Variants in LRFN5 observed in about 807,000 individuals in gnomAD.
LRFN5 encodes leucine rich repeat and fibronectin type III domain containing 5.
In LRFN5, 24 loss-of-function variants were observed where a neutral mutation model predicts 45.6. The ratio of observed to expected loss-of-function variants is 0.53; its 90% CI spans 0.38 to 0.74. The LOEUF is 0.74. Among genes scored for constraint, LRFN5 ranks in the 30% least tolerant of loss-of-function variants. LRFN5 has a pLI of 0.00. For missense variants in LRFN5, 776 were observed against 861.5 expected, an observed-to-expected ratio of 0.90 and a Z score of 1.24; for synonymous variants, 340 against 313.8, an observed-to-expected ratio of 1.08 and a Z score of -0.88.
At chr14:41,885,663 T>C (rs895338070) in intron 2 of LRFN5, among the ~76,000 whole-genome samples, 1 of 152,116 alleles carries the variant, frequency 6.6e-6, no homozygotes, top group Non-Finnish European at 1.5e-5. Context: ...CTCGGAGCTA[T>C]TGTGATAAAC....
chr14:41,867,266 T>A (rs1889872016), intron 2 of LRFN5, among the ~76,000 whole-genome samples: 1 of 152,126 alleles, frequency 6.6e-6, no homozygotes, highest in African/African-American at 2.4e-5. Flanking sequence ...CTTAGACTCT[T>A]GGAACCTATA....
At chr14:41,786,446 A>G (rs1054393757) in intron 2 of LRFN5, among the ~76,000 whole-genome samples, 6 of 150,652 alleles carry the variant, frequency 4.0e-5, no homozygotes, top group African/African-American at 7.3e-5. Context: ...TCTTTCTTAC[A>G]TATTTTCTGA....
At chr14:41,702,333 C>T (rs1326937452) in intron 1 of LRFN5, among the ~76,000 whole-genome samples, 1 of 152,130 alleles carries the variant, frequency 6.6e-6, no homozygotes, top group East Asian at 1.9e-4. Flanking sequence ...AAATACAGTT[C>T]ACACTTCTAA....
At chr14:41,693,426 T>C (rs1882468662) in intron 1 of LRFN5, among the ~76,000 whole-genome samples, 1 of 152,122 alleles carries the variant, frequency 6.6e-6, no homozygotes, top group Non-Finnish European at 1.5e-5. Context: ...TCAACGTGTT[T>C]TGTAAACTCC....
chr14:41,890,585 T>C, intron 3 of LRFN5, among the ~76,000 whole-genome samples: 1 of 151,644 alleles, frequency 6.6e-6, no homozygotes, highest in Non-Finnish European at 1.5e-5. Flanking sequence ...CGGGCGCCTG[T>C]AGTCCCAGCT....
intron 2 of LRFN5, among the ~76,000 whole-genome samples, chr14:41,862,861 CTTTTTTT>C (rs536861522): frequency 8.2e-5 from 9 of 110,230 alleles, no homozygotes; most frequent in East Asian, 5.5e-4. Flanking sequence ...TTAAGTCTCT[CTTTTTTT>C]TTTTTTTTTT....
At chr14:41,883,166 A>G (rs2139143046) in intron 2 of LRFN5, among the ~76,000 whole-genome samples, 1 of 131,270 alleles carries the variant, frequency 7.6e-6, no homozygotes, top group African/African-American at 2.8e-5. Flanking sequence ...CCCCCCTTTT[A>G]TCAAGGACTG....
intron 2 of LRFN5, among the ~76,000 whole-genome samples, chr14:41,831,134 G>A (rs1888463394): frequency 6.6e-6 from 1 of 152,234 alleles, no homozygotes; most frequent in South Asian, 2.1e-4. Context: ...CCATGTAGCT[G>A]TACCTTATAC....
intron 1 of LRFN5, among the ~76,000 whole-genome samples, chr14:41,640,437 A>G (rs1177592581): frequency 6.6e-6 from 1 of 152,100 alleles, no homozygotes; most frequent in Non-Finnish European, 1.5e-5. Context: ...CTAATTTTGA[A>G]TAAGCAAACT....
At chr14:41,798,883 C>A (rs1051658931) in intron 2 of LRFN5, among the ~76,000 whole-genome samples, 7 of 151,904 alleles carry the variant, frequency 4.6e-5, no homozygotes, top group Admixed American at 2.0e-4. Context: ...TGTCTCTGAT[C>A]ATTTATTATA....
chr14:41,717,701 A>G (rs1358405874), intron 1 of LRFN5, among the ~76,000 whole-genome samples: 1 of 152,190 alleles, frequency 6.6e-6, no homozygotes, highest in East Asian at 1.9e-4. Context: ...TTGAGTGTCT[A>G]CACTGTGTTA....
intron 2 of LRFN5, among the ~76,000 whole-genome samples, chr14:41,883,886 A>C (rs1168623580): frequency 6.6e-6 from 1 of 152,116 alleles, no homozygotes; most frequent in Non-Finnish European, 1.5e-5. Flanking sequence ...GCCTAACAGC[A>C]TTCTTCTGAT....
At position 41,663,187 on chromosome 14, in the gene LRFN5, G is replaced by A. The variant is rs572319725; in HGVS notation, c.-197+54625G>A. Among the ~76,000 whole-genome samples, 20 of 152,200 alleles carry A rather than the reference G, an allele frequency of 1.3e-4. No individual in the cohort carries two copies. In the East Asian group the frequency reaches 2.7e-3, roughly 21 times the overall value. On this transcript the variant is annotated intron_variant, in intron 1 of 5. Coordinates refer to ENST00000298119, the MANE Select transcript of LRFN5 (RefSeq NM_152447.5). ...ATGCTAATTTGTTAGGCCAAGGGGC[G>A]TAGCCAAACCGCCGTGCTGTTGAGA... is the stretch of plus-strand genomic sequence containing the variant.
At chr14:41,795,329 G>A (rs1309834211) in intron 2 of LRFN5, among the ~76,000 whole-genome samples, 1 of 152,054 alleles carries the variant, frequency 6.6e-6, no homozygotes, top group African/African-American at 2.4e-5. Flanking sequence ...ACTGTTGGTG[G>A]GACTGTAAAC....
intron 2 of LRFN5, among the ~76,000 whole-genome samples, chr14:41,772,592 T>C (rs1020908967): frequency 5.3e-5 from 8 of 152,080 alleles, no homozygotes; most frequent in African/African-American, 2.4e-5. Flanking sequence ...CCTCAGACAA[T>C]AAAAAATTCT....
At chr14:41,722,565 G>GTTTTTTTTTTTTTT (rs201341679) in intron 1 of LRFN5, among the ~76,000 whole-genome samples, 2 of 145,782 alleles carry the variant, frequency 1.4e-5, no homozygotes, top group Non-Finnish European at 3.0e-5. Context: ...AAAATACGGT[G>GTTTTTTTTTTTTTT]TTTTTTTTTT....
Position 41,886,969 on chromosome 14 carries a change from C to G in LRFN5, c.344C>G (p.Thr115Arg). Residue 115 changes from threonine (T) to arginine (R), a missense_variant, in exon 3 of 6, where the codon ACA becomes AGA. Physicochemically the swap from Thr to Arg is moderately conservative, Grantham distance 71 (BLOSUM62 -1). Coordinates refer to ENST00000298119, the MANE Select transcript of LRFN5 (RefSeq NM_152447.5). The stretch of plus-strand genomic sequence containing the variant: ...AATAGCAACAGATTGACTAAAATTA[C>G]AAATGATATGTTCAGTGGTCTTTCC... ...HLNSNRLTKI[T>R]NDMFSGLSNL... 3 of 1,614,148 alleles carry G rather than the reference C, an allele frequency of 1.9e-6. No individual in the cohort carries two copies. Among genetic ancestry groups the G allele is most frequent in the Non-Finnish European group, 2.5e-6 (3 of 1,180,026 alleles).
At chr14:41,791,865 G>T (rs1296812823) in intron 2 of LRFN5, among the ~76,000 whole-genome samples, 1 of 152,068 alleles carries the variant, frequency 6.6e-6, no homozygotes, top group African/African-American at 2.4e-5. Context: ...TATGAACTAA[G>T]AAGTAATTAC....
At chr14:41,899,973 G>T (rs989061567) in intron 5 of LRFN5, among the ~76,000 whole-genome samples, 11 of 151,982 alleles carry the variant, frequency 7.2e-5, no homozygotes, top group South Asian at 4.1e-4. Flanking sequence ...AAGGTGTCTT[G>T]TTTCTCCATC....
Sources: allele counts gnomAD v4.1 joint callset (sites outside exome capture counted in the v4.1 genomes callset), GRCh38; gene constraint gnomAD v4.1.1; transcripts MANE v1.5; gene names NCBI Gene and HGNC (gene_info 2026-07-23, HGNC 2026-07-21).